Variants in UNC13C observed in about 807,000 individuals in gnomAD.
UNC13C encodes protein unc-13 homolog C.
UNC13C carries 174 observed loss-of-function variants against 245.4 expected under a neutral mutation model. That is an observed-to-expected ratio of 0.71 (90% confidence interval 0.63 to 0.80). UNC13C has a LOEUF of 0.80. Among genes scored for constraint, UNC13C ranks in the 30% least tolerant of loss-of-function variants. The pLI, the probability that UNC13C is intolerant of heterozygous loss-of-function variation, is 0.00. For synonymous variants in UNC13C, 992 were observed against 895.1 expected, an observed-to-expected ratio of 1.11 and a Z score of -1.93; for missense variants, 2,829 against 2,602.9, an observed-to-expected ratio of 1.09 and a Z score of -1.89.
intron 14 of UNC13C, among the ~76,000 whole-genome samples, chr15:54,324,011 A>C (rs960779867): frequency 4.6e-5 from 7 of 152,010 alleles, no homozygotes; most frequent in Admixed American, 3.9e-4. Flanking sequence ...ATTTCAGTAC[A>C]TTTTAGTATT....
chr15:54,009,048 C>A (rs902423149), intron 1 of UNC13C, among the ~76,000 whole-genome samples: 1 of 152,152 alleles, frequency 6.6e-6, no homozygotes, highest in African/African-American at 2.4e-5. Context: ...GGAAGTTCCA[C>A]AGCTGGTATT....
At chr15:54,123,213 G>A (rs1399558817) in intron 2 of UNC13C, among the ~76,000 whole-genome samples, 2 of 151,604 alleles carry the variant, frequency 1.3e-5, no homozygotes, top group African/African-American at 4.8e-5. Flanking sequence ...GTATCTTTAG[G>A]TGTACTTTTC....
intron 13 of UNC13C, among the ~76,000 whole-genome samples, chr15:54,310,476 C>T (rs2037839419): frequency 6.6e-6 from 1 of 151,804 alleles, no homozygotes; most frequent in African/African-American, 2.4e-5. Flanking sequence ...GAATCAAATG[C>T]TCATGGTGGA....
chr15:54,351,725 C>G (rs2038987102), intron 17 of UNC13C, among the ~76,000 whole-genome samples: 2 of 152,086 alleles, frequency 1.3e-5, no homozygotes, highest in Middle Eastern at 3.2e-3. Flanking sequence ...TAACGCTTCA[C>G]ATATACTAGG....
At chr15:54,102,852 C>A (rs977638256) in intron 2 of UNC13C, among the ~76,000 whole-genome samples, 1 of 152,148 alleles carries the variant, frequency 6.6e-6, no homozygotes, top group Non-Finnish European at 1.5e-5. Context: ...TTTGATTGGT[C>A]CTCCTGGACA....
At chr15:53,968,004 G>A in the UNC13C span, 2 of 151,896 alleles carry the variant, frequency 1.3e-5, no homozygotes, top group Admixed American at 1.3e-4. Context: ...TTACATACCT[G>A]GAATTGATCT....
chr15:53,999,170 C>G (rs1566939528), intron 1 of UNC13C, among the ~76,000 whole-genome samples: 2 of 151,924 alleles, frequency 1.3e-5, no homozygotes, highest in East Asian at 3.8e-4. Flanking sequence ...TTCAAATTAA[C>G]ACATTTTTCC....
intron 27 of UNC13C, among the ~76,000 whole-genome samples, chr15:54,548,213 T>G (rs1896578337): frequency 2.5e-5 from 2 of 78,846 alleles, no homozygotes; most frequent in South Asian, 4.6e-4. Flanking sequence ...TTTTGCTTTT[T>G]TTTTTTTTTT....
In UNC13C at chr15:54,294,008, A is replaced by T. The variant is rs1481937247; in HGVS notation, c.3932A>T (p.Gln1311Leu). The T allele has an allele frequency of 6.3e-7, 1 of 1,597,794 alleles. No homozygotes were observed. The highest frequency in any genetic ancestry group is 8.5e-7 in the Non-Finnish European group (1 of 1,172,940). The change falls in exon 11 of 33, where the codon CAA becomes CTA. Residue 1311 changes from glutamine (Q) to leucine (L), a missense_variant. Physicochemically the swap from Gln to Leu is moderately radical, Grantham distance 113 (BLOSUM62 -2). Transcript: ENST00000260323. ...AAGGAGTCAGATGATTTTCTGGGAC[A>T]AACAATTGTAGAAGTGAGGACCTTG... ...FKKESDDFLG[Q>L]TIVEVRTLSG...
In UNC13C at chr15:54,012,823, T is replaced by C. The variant is rs1895439353; in HGVS notation, c.-81T>C. 1.1e-5 allele frequency: 12 copies of C among 1,125,232 alleles called. No homozygotes were observed. The highest frequency in any genetic ancestry group is 3.1e-5 in the South Asian group (2 of 64,686). The allele number at this position is 1,125,232 out of a possible 1,614,324, so 69.7% of individuals were successfully genotyped here. A position where few individuals can be genotyped will look rare whatever the true frequency, so the allele number is the denominator to read the frequency against. On this transcript the variant is annotated 5_prime_UTR_variant, in exon 2 of 33. It removes an upstream start codon present in the reference 5' UTR. Coordinates refer to ENST00000260323, the MANE Select transcript of UNC13C (RefSeq NM_001080534.3). ...GATTCACAGAACTTCTGAACAGTGA[T>C]GCTTGCCTTGGATTTTCAGGTTTTC...
At chr15:54,056,091 C>A (rs145039483) in intron 2 of UNC13C, among the ~76,000 whole-genome samples, 3 of 152,014 alleles carry the variant, frequency 2.0e-5, no homozygotes, top group African/African-American at 2.4e-5. Flanking sequence ...TCACCAGCAA[C>A]GGAACAAAGC....
At chr15:53,998,253 T>C in intron 1 of UNC13C, among the ~76,000 whole-genome samples, 1 of 152,230 alleles carries the variant, frequency 6.6e-6, no homozygotes, top group East Asian at 1.9e-4. Context: ...TGGGGAGAAC[T>C]GATATATTAA....
At chr15:54,393,981 T>C (rs1567235880) in intron 18 of UNC13C, among the ~76,000 whole-genome samples, 2 of 151,872 alleles carry the variant, frequency 1.3e-5, no homozygotes, top group South Asian at 2.1e-4. Flanking sequence ...AGGATTGTCT[T>C]GACAATATTA....
At chr15:53,838,793 A>G in the UNC13C span, among the ~76,000 whole-genome samples, 3 of 152,030 alleles carry the variant, frequency 2.0e-5, no homozygotes, top group Non-Finnish European at 2.9e-5. Flanking sequence ...AGCTTGTTAA[A>G]ACATGTAAAC....
intron 4 of UNC13C, among the ~76,000 whole-genome samples, chr15:54,197,469 A>G (rs894363935): frequency 6.6e-6 from 1 of 152,290 alleles, no homozygotes; most frequent in African/African-American, 2.4e-5. Flanking sequence ...TCTCAAAAAA[A>G]AAAAAAGAAA....
At chr15:54,249,764 A>T (rs2036093400) in intron 7 of UNC13C, among the ~76,000 whole-genome samples, 1 of 152,176 alleles carries the variant, frequency 6.6e-6, no homozygotes, top group Admixed American at 6.5e-5. Flanking sequence ...TTCCCCGGTG[A>T]TAGGTACTGA....
At chr15:53,988,244 C>T in intron 1 of UNC13C, among the ~76,000 whole-genome samples, 1 of 151,960 alleles carries the variant, frequency 6.6e-6, no homozygotes, top group Non-Finnish European at 1.5e-5. Flanking sequence ...TAAAATGGTT[C>T]TGATGAGATA....
At chr15:54,532,168 C>T (rs974490607) in intron 25 of UNC13C, among the ~76,000 whole-genome samples, 1 of 152,132 alleles carries the variant, frequency 6.6e-6, no homozygotes, top group Non-Finnish European at 1.5e-5. Flanking sequence ...GATCCTCTCC[C>T]TCTTCCCACC....
the UNC13C span, among the ~76,000 whole-genome samples, chr15:53,906,761 CA>C: frequency 1.3e-5 from 2 of 152,274 alleles, no homozygotes; most frequent in African/African-American, 4.8e-5. Context: ...ATTTATAAAG[CA>C]AAGAGGTTTA....
Sources: gnomAD v4.1 joint callset for allele counts (sites outside exome capture counted in the v4.1 genomes callset) on GRCh38, gnomAD v4.1.1 for gene constraint, MANE v1.5 for transcripts, NCBI Gene and HGNC (gene_info 2026-07-23, HGNC 2026-07-21) for gene names.